Variants in NRXN1 observed in about 807,000 individuals in gnomAD.
The protein encoded by NRXN1 is neurexin-1.
NRXN1 carries 39 observed loss-of-function variants against 150.9 expected under a neutral mutation model. The ratio of observed to expected loss-of-function variants is 0.26; its 90% CI spans 0.20 to 0.34. The LOEUF (loss-of-function observed/expected upper bound fraction) is 0.34, where lower values mean the gene tolerates loss of function less well. Ranked by LOEUF, NRXN1 falls within the 10% of genes least tolerant of loss-of-function variation. NRXN1 has a pLI of 1.00. For missense variants in NRXN1, 1,815 were observed against 1,949.9 expected (o/e 0.93, Z 1.30); for synonymous variants, 924 against 757.0 (o/e 1.22, Z -3.62).
At chr2:50,746,783 G>A (rs1700079307) in intron 5 of NRXN1, among the ~76,000 whole-genome samples, 1 of 152,084 alleles carries the variant, frequency 6.6e-6, no homozygotes, top group South Asian at 2.1e-4. Flanking sequence ...CATTTCAAGG[G>A]CGGGACCAAA....
At chr2:50,767,376 A>G (rs1007281819) in intron 5 of NRXN1, among the ~76,000 whole-genome samples, 3 of 152,052 alleles carry the variant, frequency 2.0e-5, no homozygotes, top group Non-Finnish European at 4.4e-5. Flanking sequence ...TTTGACTACA[A>G]TTGAATTCAT....
At chr2:50,224,351 AT>A (rs1196998508) in intron 18 of NRXN1, among the ~76,000 whole-genome samples, 1 of 151,950 alleles carries the variant, frequency 6.6e-6, no homozygotes, top group African/African-American at 2.4e-5. Flanking sequence ...CTGAGATAAA[AT>A]TCATACCTCA....
At chr2:50,830,259 G>T (rs1671230482) in intron 5 of NRXN1, among the ~76,000 whole-genome samples, 1 of 151,992 alleles carries the variant, frequency 6.6e-6, no homozygotes, top group Admixed American at 6.6e-5. Context: ...ACAGTTCAGT[G>T]GATTAGGAGG....
At chr2:50,690,329 C>T (rs1481167705) in intron 5 of NRXN1, among the ~76,000 whole-genome samples, 1 of 152,178 alleles carries the variant, frequency 6.6e-6, no homozygotes, top group African/African-American at 2.4e-5. Context: ...ATATTCCAGA[C>T]ATTCATAAAT....
chr2:50,533,024 A>T lies in NRXN1; in HGVS notation c.2144-1594T>A, dbSNP rs142094900. Among the ~76,000 whole-genome samples the T allele has an allele frequency of 4.5e-4, 68 of 152,312 alleles. 1 individual carries two copies. Among genetic ancestry groups the T allele is most frequent in the Middle Eastern group, 3.4e-3 (1 of 294 alleles). Reference sequence around the variant, plus strand: ...TACAACTGTGTTCAATATTAGGACTATATTTAGAGTTGTGGTTTTGTAAGT... The same window carrying T: ...TACAACTGTGTTCAATATTAGGACTTTATTTAGAGTTGTGGTTTTGTAAGT... On this transcript the variant is annotated intron_variant, in intron 10 of 22. Transcript: ENST00000401669.
At chr2:50,781,529 C>T (rs566710316) in intron 5 of NRXN1, among the ~76,000 whole-genome samples, 2 of 152,304 alleles carry the variant, frequency 1.3e-5, no homozygotes, top group Admixed American at 6.5e-5. Context: ...GCATTCAGCA[C>T]TCAAACTTGG....
At chr2:50,243,961 C>G (rs545024034) in intron 17 of NRXN1, among the ~76,000 whole-genome samples, 2 of 151,922 alleles carry the variant, frequency 1.3e-5, no homozygotes, top group South Asian at 4.1e-4. Context: ...GGTCAAGAAT[C>G]ATTTCTCTCA....
chr2:50,158,228 T>TTA (rs1477717951), intron 18 of NRXN1, among the ~76,000 whole-genome samples: 1 of 151,690 alleles, frequency 6.6e-6, no homozygotes, highest in Non-Finnish European at 1.5e-5. Context: ...TAGATTTGTC[T>TTA]TTCTATAAGT....
chr2:50,953,472 T>C (rs750330718), intron 2 of NRXN1, among the ~76,000 whole-genome samples: 2 of 152,000 alleles, frequency 1.3e-5, no homozygotes, highest in Admixed American at 6.6e-5. Context: ...TCATACATCA[T>C]GTGAACTCCC....
intron 17 of NRXN1, among the ~76,000 whole-genome samples, chr2:50,455,522 CTG>C (rs940748407): frequency 1.3e-5 from 2 of 152,182 alleles, no homozygotes; most frequent in African/African-American, 4.8e-5. Context: ...TACAGAATTA[CTG>C]TCACTGTCAA....
At chr2:50,771,283 C>T (rs1359429851) in intron 5 of NRXN1, among the ~76,000 whole-genome samples, 1 of 152,010 alleles carries the variant, frequency 6.6e-6, no homozygotes, top group Admixed American at 6.6e-5. Flanking sequence ...GGATTATTCT[C>T]CCAAAACGCA....
At chr2:50,380,985 C>T (rs1386494260) in intron 17 of NRXN1, among the ~76,000 whole-genome samples, 1 of 152,122 alleles carries the variant, frequency 6.6e-6, no homozygotes, top group African/African-American at 2.4e-5. Context: ...TCTATCATAG[C>T]AGCAATATTC....
chr2:50,505,485 G>T (rs2092174633), intron 13 of NRXN1, among the ~76,000 whole-genome samples: 1 of 152,118 alleles, frequency 6.6e-6, no homozygotes, highest in African/African-American at 2.4e-5. Context: ...GATACTAACT[G>T]TTCATTTCCA....
intron 8 of NRXN1, among the ~76,000 whole-genome samples, chr2:50,566,346 A>G (rs1032703963): frequency 6.6e-6 from 1 of 151,318 alleles, no homozygotes; most frequent in Non-Finnish European, 1.5e-5. Context: ...TGGGTTCAAG[A>G]GATTCTCATG....
chr2:49,970,393 CTCATA>C (rs1677742692), intron 21 of NRXN1: 1 of 151,974 alleles, frequency 6.6e-6, no homozygotes, highest in Non-Finnish European at 1.5e-5. Context: ...TAAACTATCT[CTCATA>C]TATTTCTGCT....
chr2:51,026,065 T>C (rs1395629611), intron 2 of NRXN1, among the ~76,000 whole-genome samples: 3 of 152,150 alleles, frequency 2.0e-5, no homozygotes, highest in African/African-American at 7.2e-5. Context: ...TCTTATCAAG[T>C]CTTCATTTCT....
At chr2:50,030,495 A>G (rs1313310096) in intron 21 of NRXN1, among the ~76,000 whole-genome samples, 1 of 152,138 alleles carries the variant, frequency 6.6e-6, no homozygotes, top group African/African-American at 2.4e-5. Context: ...TCCTCCTGTA[A>G]GGATAACAGG....
intron 9 of NRXN1, chr2:50,548,362 T>C (rs1249653418): frequency 6.6e-6 from 1 of 152,206 alleles, no homozygotes; most frequent in Admixed American, 6.5e-5. Flanking sequence ...CATCTGGGCT[T>C]GGAGGATGGT....
At chr2:50,787,086 C>A (rs1375637805) in intron 5 of NRXN1, among the ~76,000 whole-genome samples, 1 of 152,100 alleles carries the variant, frequency 6.6e-6, no homozygotes, top group Non-Finnish European at 1.5e-5. Flanking sequence ...ACAGGGAATT[C>A]TCATGATAAA....
Sources: gnomAD v4.1 joint callset for allele counts (sites outside exome capture counted in the v4.1 genomes callset) on GRCh38, gnomAD v4.1.1 for gene constraint, MANE v1.5 for transcripts, NCBI Gene and HGNC (gene_info 2026-07-23, HGNC 2026-07-21) for gene names.